FOSL2: variants seen among roughly 807,000 people sequenced by gnomAD.
FOSL2 encodes fos-related antigen 2.
In FOSL2, 3 loss-of-function variants were observed where a neutral mutation model predicts 27.7. The ratio of observed to expected loss-of-function variants is 0.11; its 90% CI spans 0.05 to 0.28. The LOEUF (loss-of-function observed/expected upper bound fraction) is 0.28. FOSL2 is among the 10% of genes least tolerant of loss of function. FOSL2 has a pLI of 1.00. For missense variants in FOSL2, 333 were observed against 445.1 expected (o/e 0.75, Z 2.27); for synonymous variants, 179 against 190.1 (o/e 0.94, Z 0.48).
In FOSL2 at chr2:28,404,338, C is replaced by G. The variant is rs1171301931; in HGVS notation, c.334C>G (p.Arg112Gly). ...VIKTIGTTVG[R>G]RRRDEQLSPE... The stretch of plus-strand genomic sequence containing the variant: ...CAAGACCATTGGCACCACCGTGGGC[C>G]GCAGGAGGAGAGATGAGCAGGTACA... The change falls in exon 2 of 4, where the codon CGC (arginine) becomes GGC (glycine). Residue 112 changes from arginine to glycine, a missense_variant. Physicochemically the swap from Arg to Gly is moderately radical, Grantham distance 125 (BLOSUM62 -2). Coordinates refer to ENST00000264716, the MANE Select transcript of FOSL2 (RefSeq NM_005253.4). The surrounding 1 kb of genome is among the most constrained non-coding windows in gnomAD (Gnocchi z 4.7). 1.2e-6 allele frequency: 2 copies of G among 1,613,986 alleles called. No individual in the cohort carries two copies. Among genetic ancestry groups the G allele is most frequent in the Non-Finnish European group, 1.7e-6 (2 of 1,180,010 alleles).
chr2:28,406,036 TC>T (rs1664068712), intron 2 of FOSL2, among the ~76,000 whole-genome samples: 1 of 146,534 alleles, frequency 6.8e-6, no homozygotes, highest in African/African-American at 2.5e-5. Context: ...CTGAATGCTC[TC>T]CATTCCCTTT....
intron 2 of FOSL2, among the ~76,000 whole-genome samples, chr2:28,407,301 C>T (rs1664104521): frequency 6.6e-6 from 1 of 152,238 alleles, no homozygotes; most frequent in South Asian, 2.1e-4. Context: ...GGGCTCAAGA[C>T]AAGACAGGTT....
chr2:28,405,859 A>G (rs142073677), intron 2 of FOSL2, among the ~76,000 whole-genome samples: 18 of 152,268 alleles, frequency 1.2e-4, no homozygotes, highest in Admixed American at 2.6e-4. Context: ...TGCAGTAGCC[A>G]TGCTTGTAAG....
At chr2:28,409,744 A>G (rs768178602) in intron 3 of FOSL2, among the ~76,000 whole-genome samples, 1 of 151,880 alleles carries the variant, frequency 6.6e-6, no homozygotes, top group Non-Finnish European at 1.5e-5. Flanking sequence ...TTTTTTTGTT[A>G]TTATAATTTT....
In FOSL2 at chr2:28,408,715, C is replaced by T. The variant is rs1284889294; in HGVS notation, c.355-44C>T. The T allele has an allele frequency of 4.4e-6, 6 of 1,370,762 alleles. No individual in the cohort carries two copies. Among genetic ancestry groups the T allele is most frequent in the East Asian group, 2.5e-5 (1 of 39,416 alleles). The allele number at this position is 1,370,762 out of a possible 1,614,324, so 84.9% of individuals were successfully genotyped here. ...TACAGTTTTTAAAAAATACTGTGAA[C>T]CATTGTCTCTGTTCTAACCATGATC... On this transcript the variant is annotated intron_variant, in intron 2 of 3. Transcript: ENST00000264716. The surrounding 1 kb of genome is among the most constrained non-coding windows in gnomAD (Gnocchi z 4.1).
intron 3 of FOSL2, among the ~76,000 whole-genome samples, chr2:28,410,984 A>G (rs1664181311): frequency 6.6e-6 from 1 of 152,074 alleles, no homozygotes; most frequent in Non-Finnish European, 1.5e-5. Context: ...CCCCATCTCT[A>G]TGAAAAATAC....
At chr2:28,402,979 C>T (rs1374603214) in intron 1 of FOSL2, among the ~76,000 whole-genome samples, 1 of 152,128 alleles carries the variant, frequency 6.6e-6, no homozygotes, top group Non-Finnish European at 1.5e-5. Flanking sequence ...TTAGTAAGTG[C>T]CCAGGAAGTG....
chr2:28,411,895 T>G (rs754660148), intron 3 of FOSL2, 35 bp from the exon 4 acceptor site: 145 of 1,613,466 alleles, frequency 9.0e-5, no homozygotes, highest in Non-Finnish European at 1.2e-4. Flanking sequence ...CCCTGGCAGG[T>G]TGCTGTCCCT....
chr2:28,413,911 C>T lies in FOSL2; in HGVS notation c.*1463C>T, dbSNP rs1461072750. 2 of 398,410 alleles carry T rather than the reference C, an allele frequency of 5.0e-6. No individual in the cohort carries two copies. Among genetic ancestry groups the T allele is most frequent in the East Asian group, 3.6e-5 (1 of 28,080 alleles). 24.7% of individuals were successfully genotyped at this position (398,410 alleles called of 1,614,324 possible). ...TGTTTTGCTTCCCACTGCAGGAGAG[C>T]TGCCCCCTTTCACGGGGTTGGGGAA... On this transcript the variant is annotated 3_prime_UTR_variant, in exon 4 of 4. Coordinates refer to ENST00000264716, the MANE Select transcript of FOSL2 (RefSeq NM_005253.4).
chr2:28,413,521 A>C lies in FOSL2; in HGVS notation c.*1073A>C, dbSNP rs535281030. The C allele has an allele frequency of 4.3e-5, 17 of 398,660 alleles. No homozygotes were observed. The South Asian group carries it at 2.0e-3, about 48-fold the overall frequency. The allele number at this position is 398,660 out of a possible 1,614,324, so 24.7% of individuals were successfully genotyped here. A position where few individuals can be genotyped will look rare whatever the true frequency, so the allele number is the denominator to read the frequency against. On this transcript the variant is annotated 3_prime_UTR_variant, in exon 4 of 4. Coordinates refer to ENST00000264716, the MANE Select transcript of FOSL2 (RefSeq NM_005253.4). ...GCCTGGACCTTCCCCAGATGCTGCC[A>C]GGCAGCCCCTCCCCAAGCCTCAAAG...
At chr2:28,399,782 G>A (rs778457074) in intron 1 of FOSL2, among the ~76,000 whole-genome samples, 3 of 152,134 alleles carry the variant, frequency 2.0e-5, no homozygotes, top group Non-Finnish European at 2.9e-5. Context: ...CTGGGACAGG[G>A]GTTGGCAAAC....
intron 2 of FOSL2, among the ~76,000 whole-genome samples, chr2:28,405,532 T>C (rs1206139941): frequency 1.3e-5 from 2 of 152,212 alleles, no homozygotes; most frequent in Non-Finnish European, 2.9e-5. Context: ...TGTTCCAATA[T>C]ACGGACCTTT....
intron 1 of FOSL2, among the ~76,000 whole-genome samples, chr2:28,402,511 G>A (rs1402701045): frequency 6.6e-6 from 1 of 152,254 alleles, no homozygotes; most frequent in Non-Finnish European, 1.5e-5. Flanking sequence ...AGACAATGGT[G>A]GTGCCAGCTT....
Position 28,412,582 on chromosome 2 carries a change from G to A in FOSL2, c.*134G>A. On this transcript the variant is annotated 3_prime_UTR_variant, in exon 4 of 4. Transcript: ENST00000264716. The surrounding 1 kb of genome is among the most constrained non-coding windows in gnomAD (Gnocchi z 7.1). ...CCACCAGGGAGCTTCCTGGCTCTGGGGGACCCAGGTGGGACTTAGCAGTGA... is the reference window on the plus strand; with the variant it reads ...CCACCAGGGAGCTTCCTGGCTCTGGAGGACCCAGGTGGGACTTAGCAGTGA... 1 of 1,061,664 alleles carries A rather than the reference G, an allele frequency of 9.4e-7. No individual in the cohort carries two copies. Among genetic ancestry groups the A allele is most frequent in the Non-Finnish European group, 1.3e-6 (1 of 747,538 alleles). The allele number at this position is 1,061,664 out of a possible 1,614,324, so 65.8% of individuals were successfully genotyped here. A position where few individuals can be genotyped will look rare whatever the true frequency, so the allele number is the denominator to read the frequency against.
chr2:28,394,821 C>T (rs1317441129), intron 1 of FOSL2: 1 of 152,336 alleles, frequency 6.6e-6, no homozygotes, highest in East Asian at 1.9e-4. Context: ...CCCAATACAA[C>T]ATGAAGCCCA....
In FOSL2 at chr2:28,393,843, A is replaced by T; in HGVS notation, c.102+21A>T. 1.3e-6 allele frequency: 2 copies of T among 1,554,144 alleles called. No individual in the cohort carries two copies. Among genetic ancestry groups the T allele is most frequent in the Non-Finnish European group, 1.7e-6 (2 of 1,143,814 alleles). ...AGCAGGTAGGTGCGGGCCCCGGTGC[A>T]CCTGGCGGCGCGGGCGGACCCCTGC... On this transcript the variant is annotated intron_variant, in intron 1 of 3. Coordinates refer to ENST00000264716, the MANE Select transcript of FOSL2 (RefSeq NM_005253.4). This position sits in a 1 kb window ranked among gnomAD's most constrained non-coding sequence, Gnocchi z 4.6.
At chr2:28,399,539 T>C (rs1285666847) in intron 1 of FOSL2, among the ~76,000 whole-genome samples, 1 of 152,044 alleles carries the variant, frequency 6.6e-6, no homozygotes, top group South Asian at 2.1e-4. Context: ...AGCAGCCCGG[T>C]GGCACCCTAG....
In FOSL2 at chr2:28,404,113, C is replaced by T. The variant is rs757435920; in HGVS notation, c.109C>T (p.Arg37Trp). 15 of 1,613,868 alleles carry T rather than the reference C, an allele frequency of 9.3e-6. No individual in the cohort carries two copies. The highest frequency in any genetic ancestry group is 5.3e-5 in the African/African-American group (4 of 74,906). Residue 37 changes from arginine to tryptophan, a missense_variant, in exon 2 of 4, where the codon CGG becomes TGG. Arg to Trp is a moderately radical substitution (Grantham distance 101, BLOSUM62 -3). Around this residue, in one of 4 missense-constraint regions of FOSL2, gnomAD observed 131 missense variants for 157.9 expected, o/e 0.83. Transcript: ENST00000264716. The surrounding 1 kb of genome is among the most constrained non-coding windows in gnomAD (Gnocchi z 4.7). ...TTTTTTTTCCTCATTTCAGAAATTC[C>T]GGGTAGATATGCCTGGCTCAGGCAG... ...SSGGGGQQKF[R>W]VDMPGSGSAF...
chr2:28,393,960 G>A lies in FOSL2; in HGVS notation c.102+138G>A, dbSNP rs969548278. On this transcript the variant is annotated intron_variant, in intron 1 of 3. Transcript: ENST00000264716. This position sits in a 1 kb window ranked among gnomAD's most constrained non-coding sequence, Gnocchi z 4.6. ...CCACCGTTGTAAGTTCTGGATTTTCGTCCTCCCCTTCCCCCCCACCCCCTT... is the reference window on the plus strand; with the variant it reads ...CCACCGTTGTAAGTTCTGGATTTTCATCCTCCCCTTCCCCCCCACCCCCTT... 55 of 652,630 alleles carry A rather than the reference G, an allele frequency of 8.4e-5. No individual in the cohort carries two copies. The highest frequency in any genetic ancestry group is 1.4e-4 in the Non-Finnish European group (54 of 383,532). 40.4% of individuals were successfully genotyped at this position (652,630 alleles called of 1,614,324 possible). A position where few individuals can be genotyped will look rare whatever the true frequency, so the allele number is the denominator to read the frequency against.
Sources: allele counts gnomAD v4.1 joint callset (sites outside exome capture counted in the v4.1 genomes callset), GRCh38; gene constraint gnomAD v4.1.1; regional missense constraint gnomAD v4.1.1; non-coding constraint Gnocchi (gnomAD v3.1); transcripts MANE v1.5; gene names NCBI Gene and HGNC (gene_info 2026-07-23, HGNC 2026-07-21).